Variants in MGMT observed in about 807,000 individuals in gnomAD.
The protein encoded by MGMT is methylated-DNA--protein-cysteine methyltransferase.
Under a neutral mutation model 15.9 loss-of-function variants are expected in MGMT, and 14 were observed. The ratio of observed to expected loss-of-function variants is 0.88; its 90% CI spans 0.58 to 1.37. The LOEUF (loss-of-function observed/expected upper bound fraction) is 1.37, where lower values mean the gene tolerates loss of function less well. Ranked by LOEUF, MGMT falls within the 40% of genes most tolerant of loss-of-function variation. The pLI is 0.00. For synonymous variants in MGMT, 130 were observed against 118.2 expected (o/e 1.10, Z -0.65); for missense variants, 282 against 268.1 (o/e 1.05, Z -0.36).
intron 1 of MGMT, among the ~76,000 whole-genome samples, chr10:129,468,660 G>A (rs900309757): frequency 1.3e-5 from 2 of 152,044 alleles, no homozygotes; most frequent in African/African-American, 4.8e-5. Flanking sequence ...CGAGGTGGGT[G>A]GATCACCTGA....
chr10:129,713,755 G>A (rs1286411267), intron 3 of MGMT, among the ~76,000 whole-genome samples: 1 of 152,114 alleles, frequency 6.6e-6, no homozygotes, highest in Non-Finnish European at 1.5e-5. Context: ...TCTGAGCTGG[G>A]GACGTTTACT....
intron 2 of MGMT, among the ~76,000 whole-genome samples, chr10:129,557,872 C>T (rs1248084799): frequency 6.6e-6 from 1 of 152,114 alleles, no homozygotes; most frequent in Admixed American, 6.5e-5. Context: ...GCATATAATC[C>T]AAAATATTGG....
intron 1 of MGMT, among the ~76,000 whole-genome samples, chr10:129,530,314 T>A (rs539933713): frequency 6.6e-6 from 1 of 152,354 alleles, no homozygotes; most frequent in South Asian, 2.1e-4. Context: ...TCCTACCTTA[T>A]TTGATTTTTT....
At chr10:129,601,951 A>G (rs1051014296) in intron 2 of MGMT, among the ~76,000 whole-genome samples, 1 of 152,166 alleles carries the variant, frequency 6.6e-6, no homozygotes, top group African/African-American at 2.4e-5. Context: ...TTGGTCCGTG[A>G]CCAACAAAAA....
At chr10:129,695,350 ACTAT>A (rs1266342406) in intron 2 of MGMT, among the ~76,000 whole-genome samples, 1 of 152,214 alleles carries the variant, frequency 6.6e-6, no homozygotes, top group Non-Finnish European at 1.5e-5. Flanking sequence ...ATAATAGGGA[ACTAT>A]CTATTATTTA....
In MGMT at chr10:129,659,155, G is replaced by A. The variant is rs1457483796; in HGVS notation, c.126-48740G>A. ...GTGGATTACCTAAGGTCAGGAGTTC[G>A]AGACCAGCCTGGCCAACACAGTGAA... On this transcript the variant is annotated intron_variant, in intron 2 of 4. Transcript: ENST00000651593. This position sits in a 1 kb window ranked among gnomAD's most constrained non-coding sequence, Gnocchi z 4.1. Among the ~76,000 whole-genome samples the A allele has an allele frequency of 7.2e-5, 11 of 152,172 alleles. No homozygotes were observed. Among genetic ancestry groups the A allele is most frequent in the African/African-American group, 2.4e-5 (1 of 41,506 alleles).
intron 3 of MGMT, among the ~76,000 whole-genome samples, chr10:129,746,249 A>C (rs1305100061): frequency 4.6e-5 from 7 of 151,348 alleles, no homozygotes; most frequent in African/African-American, 1.7e-4. Context: ...AAAAAAAAAA[A>C]AAAAAACAAA....
intron 4 of MGMT, among the ~76,000 whole-genome samples, chr10:129,765,364 GGAGCCCCCA>G (rs148192150): frequency 0.01 from 1,547 of 152,284 alleles, 25 homozygotes; most frequent in African/African-American, 0.034. Flanking sequence ...AAATGGCCCT[GGAGCCCCCA>G]GAGCCCCCAG....
chr10:129,706,586 A>G (rs1183079878), intron 2 of MGMT, among the ~76,000 whole-genome samples: 1 of 152,174 alleles, frequency 6.6e-6, no homozygotes, highest in Non-Finnish European at 1.5e-5. Context: ...AAGCCTGGGA[A>G]GTCCCGGGGA....
chr10:129,729,407 C>G (rs930485043), intron 3 of MGMT, among the ~76,000 whole-genome samples: 1 of 152,182 alleles, frequency 6.6e-6, no homozygotes, highest in African/African-American at 2.4e-5. Flanking sequence ...CACTCCCCTG[C>G]CGGCACCTGC....
At chr10:129,755,510 G>T (rs558058365) in intron 3 of MGMT, among the ~76,000 whole-genome samples, 1 of 152,338 alleles carries the variant, frequency 6.6e-6, no homozygotes, top group East Asian at 1.9e-4. Flanking sequence ...CTGCAGCCTG[G>T]CTAAGGAAAA....
At chr10:129,627,758 T>C (rs477692) in intron 2 of MGMT, among the ~76,000 whole-genome samples, 68,851 of 152,146 alleles carry the variant, frequency 0.45, 16,020 homozygotes, top group East Asian at 0.62. Context: ...ATATATTTTA[T>C]AGACACTCGA....
intron 2 of MGMT, among the ~76,000 whole-genome samples, chr10:129,606,021 G>T (rs1011347386): frequency 6.6e-5 from 10 of 152,122 alleles, no homozygotes; most frequent in African/African-American, 2.4e-4. Flanking sequence ...CAGTGCCTCT[G>T]TGCTAAGCAC....
chr10:129,610,516 G>C (rs540759444), intron 2 of MGMT, among the ~76,000 whole-genome samples: 4 of 152,238 alleles, frequency 2.6e-5, no homozygotes, highest in South Asian at 4.1e-4. Flanking sequence ...CCGTCCATAT[G>C]CAATAGCGAT....
chr10:129,720,948 A>G lies in MGMT; in HGVS notation c.274+12905A>G, dbSNP rs1478712443. 1.3e-5 allele frequency among the ~76,000 whole-genome samples: 2 copies of G among 151,812 alleles called. 1 individual carries two copies. Among genetic ancestry groups the G allele is most frequent in the East Asian group, 3.9e-4 (2 of 5,184 alleles). On this transcript the variant is annotated intron_variant, in intron 3 of 4. Transcript: ENST00000651593. Reference sequence around the variant, plus strand: ...TAAATTTAAATGTCAGGGGGAAAAAAAAAAAAGCAAGAAAAATATGTAAAT... The same window carrying G: ...TAAATTTAAATGTCAGGGGGAAAAAGAAAAAAGCAAGAAAAATATGTAAAT...
At chr10:129,496,950 C>G (rs1845527836) in intron 1 of MGMT, among the ~76,000 whole-genome samples, 1 of 152,118 alleles carries the variant, frequency 6.6e-6, no homozygotes, top group Non-Finnish European at 1.5e-5. Flanking sequence ...ACCTCAGCCT[C>G]CCAAAGTGCT....
intron 3 of MGMT, among the ~76,000 whole-genome samples, chr10:129,755,586 T>C (rs1241566626): frequency 1.3e-5 from 2 of 152,120 alleles, no homozygotes; most frequent in African/African-American, 4.8e-5. Flanking sequence ...CCTTGACAGG[T>C]CACCACCCAT....
chr10:129,495,669 G>T (rs7076950), intron 1 of MGMT, among the ~76,000 whole-genome samples: 1 of 152,164 alleles, frequency 6.6e-6, no homozygotes, highest in Non-Finnish European at 1.5e-5. Context: ...CAAAGGCAGA[G>T]AAACGATTGC....
intron 1 of MGMT, among the ~76,000 whole-genome samples, chr10:129,496,491 C>G (rs2119667217): frequency 6.6e-6 from 1 of 152,270 alleles, no homozygotes; most frequent in East Asian, 1.9e-4. Flanking sequence ...TGCTTGCAAC[C>G]TCTGGCTTCC....
Sources: gnomAD v4.1 joint callset for allele counts (sites outside exome capture counted in the v4.1 genomes callset) on GRCh38, gnomAD v4.1.1 for gene constraint, Gnocchi (gnomAD v3.1) non-coding constraint, MANE v1.5 for transcripts, NCBI Gene and HGNC (gene_info 2026-07-23, HGNC 2026-07-21) for gene names.